The following TTC28 variants were observed in gnomAD, a reference collection of about 807,000 sequenced individuals.
The protein encoded by TTC28 is tetratricopeptide repeat domain 28, also known as tetratricopeptide repeat protein 28.
A neutral mutation model predicts 198.0 loss-of-function variants in TTC28; 61 were observed. The ratio of observed to expected loss-of-function variants is 0.31; its 90% CI spans 0.25 to 0.38. TTC28 has a LOEUF of 0.38. Among genes scored for constraint, TTC28 ranks in the 10% least tolerant of loss-of-function variants. The pLI, the probability that TTC28 is intolerant of heterozygous loss-of-function variation, is 1.00. For synonymous variants in TTC28, 1,171 were observed against 1,297.8 expected (o/e 0.90, Z 2.10); for missense variants, 2,678 against 3,164.0 (o/e 0.85, Z 3.69).
rs1019922527 is a variant in TTC28, at chr22:28,468,081, ATTTT to A, written c.382-161442_382-161439del. On this transcript the variant is annotated intron_variant, in intron 2 of 22. Transcript: ENST00000397906. ...AGCCACTGTGCCTGGCCCATAAGAG[ATTTT>A]TTTATTTCAGAGAAATAAGGTACAA... Among the ~76,000 whole-genome samples the A allele has an allele frequency of 1.1e-4, 17 of 152,042 alleles. 1 individual carries two copies. The highest frequency in any genetic ancestry group is 3.9e-4 in the African/African-American group (16 of 41,466).
intron 5 of TTC28, among the ~76,000 whole-genome samples, chr22:28,205,238 G>A (rs572676580): frequency 6.6e-6 from 1 of 152,136 alleles, no homozygotes; most frequent in Admixed American, 6.5e-5. Flanking sequence ...CGGGGGGAGA[G>A]AGGGAGAGAG....
At chr22:28,567,495 T>TATATATATACATAC (rs1220805805) in intron 2 of TTC28, among the ~76,000 whole-genome samples, 9 of 124,954 alleles carry the variant, frequency 7.2e-5, no homozygotes, top group Non-Finnish European at 1.5e-4. Flanking sequence ...TATATATATA[T>TATATATATACATAC]ATATATATAT....
intron 2 of TTC28, among the ~76,000 whole-genome samples, chr22:28,620,264 T>C (rs971449899): frequency 6.6e-6 from 1 of 151,524 alleles, no homozygotes; most frequent in East Asian, 1.9e-4. Flanking sequence ...GCAGGAGAAC[T>C]GTTTGAACCA....
chr22:28,474,832 A>G (rs986513033), intron 2 of TTC28, among the ~76,000 whole-genome samples: 1 of 152,212 alleles, frequency 6.6e-6, no homozygotes, highest in Non-Finnish European at 1.5e-5. Flanking sequence ...AGAATGACAG[A>G]TGTTTTCTGG....
chr22:28,168,694 T>C (rs1249361574), intron 5 of TTC28, among the ~76,000 whole-genome samples: 2 of 152,158 alleles, frequency 1.3e-5, no homozygotes, highest in Non-Finnish European at 2.9e-5. Context: ...AAGACTTAAA[T>C]GTTAGACCTA....
intron 12 of TTC28, among the ~76,000 whole-genome samples, chr22:28,046,026 A>G (rs1939850361): frequency 6.6e-6 from 1 of 152,232 alleles, no homozygotes; most frequent in Non-Finnish European, 1.5e-5. Context: ...CCCAGGCAAG[A>G]GCATACATGA....
intron 2 of TTC28, among the ~76,000 whole-genome samples, chr22:28,624,307 G>A (rs2051044645): frequency 6.6e-6 from 1 of 152,012 alleles, no homozygotes; most frequent in Non-Finnish European, 1.5e-5. Flanking sequence ...GAACCCGGGA[G>A]GCAGAGCTTG....
chr22:28,082,540 T>C lies in TTC28; in HGVS notation c.3932+11540A>G, dbSNP rs371448049. Among the ~76,000 whole-genome samples, 3 of 152,364 alleles carry C rather than the reference T, an allele frequency of 2.0e-5. No homozygotes were observed. The East Asian group carries it at 5.8e-4, about 29-fold the overall frequency. On this transcript the variant is annotated intron_variant, in intron 12 of 22. Transcript: ENST00000397906. ...TTTGTCCTTCATTCTGTTAATGTGG[T>C]GTATTACGCTGATTGATATTCACAG...
At chr22:28,043,408 C>G (rs79578772) in intron 12 of TTC28, among the ~76,000 whole-genome samples, 3,330 of 151,984 alleles carry the variant, frequency 0.022, 38 homozygotes, top group Non-Finnish European at 0.028. Flanking sequence ...CACTGGAATT[C>G]AGGGGAGCTG....
chr22:28,632,768 T>TAAAAA (rs113714992), intron 1 of TTC28, among the ~76,000 whole-genome samples: 1 of 141,880 alleles, frequency 7.0e-6, no homozygotes, highest in African/African-American at 2.6e-5. Flanking sequence ...TGTAAGTTAT[T>TAAAAA]AAAAAAAAAA....
chr22:28,294,906 A>G (rs549828515), intron 5 of TTC28, among the ~76,000 whole-genome samples: 68 of 152,274 alleles, frequency 4.5e-4, no homozygotes, highest in Non-Finnish European at 9.0e-4. Flanking sequence ...CCTTCACTAA[A>G]TGGACCTATC....
intron 2 of TTC28, among the ~76,000 whole-genome samples, chr22:28,522,178 A>G (rs1041358456): frequency 3.3e-5 from 5 of 152,230 alleles, no homozygotes; most frequent in Admixed American, 3.3e-4. Flanking sequence ...TCATAGTACC[A>G]TGATTAATAC....
intron 2 of TTC28, among the ~76,000 whole-genome samples, chr22:28,445,883 C>T (rs955786894): frequency 9.9e-5 from 15 of 152,046 alleles, no homozygotes; most frequent in Non-Finnish European, 2.1e-4. Context: ...CACACACACA[C>T]ACACATATGT....
chr22:28,108,533 AG>A (rs1391739125), intron 6 of TTC28, 130 bp from the exon 7 acceptor site: 5 of 812,172 alleles, frequency 6.2e-6, no homozygotes, highest in Non-Finnish European at 8.5e-6. Context: ...AAATAACAGA[AG>A]GTAGAATTAA....
chr22:28,124,099 G>A (rs1263089133), intron 6 of TTC28, among the ~76,000 whole-genome samples: 1 of 152,172 alleles, frequency 6.6e-6, no homozygotes, highest in Middle Eastern at 3.4e-3. Flanking sequence ...AACTTTTAAA[G>A]GTCTGCTTGT....
intron 14 of TTC28, 130 bp from the exon 15 acceptor site, chr22:28,001,683 G>A (rs904075639): frequency 4.8e-5 from 54 of 1,118,486 alleles, no homozygotes; most frequent in South Asian, 3.5e-4. Flanking sequence ...GGTGTGGGGC[G>A]CCATGGGGCA....
In TTC28 at chr22:28,096,376, T is replaced by C; in HGVS notation, c.3580A>G (p.Arg1194Gly). The change falls in exon 11 of 23, where the codon AGG (arginine) becomes GGG (glycine). Residue 1194 changes from arginine to glycine, a missense_variant. By Grantham distance (125) the Arg-to-Gly change is moderately radical. Transcript: ENST00000397906. Reference sequence around the variant, plus strand: ...TCAGCAAATGCCCTTGTCCGTCCCCTTTCTGCCACAGCCAGGGCTTCATCA... The same window carrying C: ...TCAGCAAATGCCCTTGTCCGTCCCCCTTCTGCCACAGCCAGGGCTTCATCA... ...HHDEALAVAERGRTRAFADLL... is the reference protein window; with the variant it reads ...HHDEALAVAEGGRTRAFADLL... 1 of 1,551,794 alleles carries C rather than the reference T, an allele frequency of 6.4e-7. No homozygotes were observed. The highest frequency in any genetic ancestry group is 8.7e-7 in the Non-Finnish European group (1 of 1,147,074).
chr22:28,360,241 G>A (rs1056759402), intron 2 of TTC28, among the ~76,000 whole-genome samples: 22 of 151,958 alleles, frequency 1.4e-4, no homozygotes, highest in Non-Finnish European at 2.8e-4. Context: ...ATTAAAAAGG[G>A]CCTGCTTAAA....
Position 28,078,826 on chromosome 22 carries a change from G to A in TTC28, c.3932+15254C>T, listed in dbSNP as rs117640158. ...AAACTAACAACGGAGCTTCTGAAAG[G>A]CTTTTCAGAGAAGATAGGAATTTGA... On this transcript the variant is annotated intron_variant, in intron 12 of 22. Coordinates refer to ENST00000397906, the MANE Select transcript of TTC28 (RefSeq NM_001145418.2). Among the ~76,000 whole-genome samples the A allele has an allele frequency of 5.3e-5, 8 of 152,264 alleles. No individual in the cohort carries two copies. The East Asian group carries it at 1.5e-3, about 29-fold the overall frequency.
Sources: allele counts gnomAD v4.1 joint callset (sites outside exome capture counted in the v4.1 genomes callset), GRCh38; gene constraint gnomAD v4.1.1; transcripts MANE v1.5; gene names NCBI Gene and HGNC (gene_info 2026-07-23, HGNC 2026-07-21).